IL2: variants seen among roughly 807,000 people sequenced by gnomAD.
IL2 encodes the protein interleukin 2, also known as interleukin-2.
Under a neutral mutation model 14.6 loss-of-function variants are expected in IL2, and 3 were observed. The observed-to-expected ratio is 0.21, with a 90% CI of 0.09 to 0.53. The LOEUF (loss-of-function observed/expected upper bound fraction) is 0.53, where lower values mean the gene tolerates loss of function less well. Among genes scored for constraint, IL2 ranks in the 20% least tolerant of loss-of-function variants. The pLI, the probability that IL2 is intolerant of heterozygous loss-of-function variation, is 0.95. For synonymous variants in IL2, 71 were observed against 60.0 expected (o/e 1.18, Z -0.85); for missense variants, 125 against 170.8 (o/e 0.73, Z 1.50).
intron 3 of IL2, 41 bp from the exon 4 acceptor site, chr4:122,451,903 T>C (rs1484542950): frequency 9.7e-7 from 1 of 1,032,030 alleles, no homozygotes; most frequent in Non-Finnish European, 1.4e-6. Flanking sequence ...TACAGAGTAG[T>C]TTACCTTATA....
In IL2 at chr4:122,456,212, G is replaced by T; in HGVS notation, c.148-9C>A. The T allele has an allele frequency of 6.2e-7, 1 of 1,607,060 alleles. No homozygotes were observed. The highest frequency in any genetic ancestry group is 8.5e-7 in the Non-Finnish European group (1 of 1,174,312). On this transcript the variant is annotated splice_polypyrimidine_tract_variant and intron_variant, in intron 1 of 3. Coordinates refer to ENST00000226730, the MANE Select transcript of IL2 (RefSeq NM_000586.4). ...TTGGGATTCTTGTAATTCTAAGAAA[G>T]TATAATGCATTGTTATTAAGAAATG...
At chr4:122,456,007 C>A in intron 2 of IL2, 137 bp downstream of exon 2, 217 of 503,022 alleles carry the variant, frequency 4.3e-4, no homozygotes, top group Middle Eastern at 1.2e-3. Context: ...GCTTCATTAT[C>A]AAACTTGGGT....
chr4:122,453,301 A>G (rs754518579), intron 3 of IL2, among the ~76,000 whole-genome samples: 1 of 151,832 alleles, frequency 6.6e-6, no homozygotes, highest in Non-Finnish European at 1.5e-5. Flanking sequence ...CCTTCCATCA[A>G]ATGATAAGGA....
intron 3 of IL2, among the ~76,000 whole-genome samples, chr4:122,452,733 A>G (rs1314401611): frequency 6.6e-6 from 1 of 151,938 alleles, no homozygotes; most frequent in Non-Finnish European, 1.5e-5. Context: ...TATCCTCTTA[A>G]GCATAATTGT....
chr4:122,453,460 A>AAAGGTT lies in IL2; in HGVS notation c.351+249_351+250insAACCTT, dbSNP rs1195864658. 2.6e-5 allele frequency among the ~76,000 whole-genome samples: 4 copies of AAAGGTT among 151,996 alleles called. No individual in the cohort carries two copies. The East Asian group carries it at 5.8e-4, about 22-fold the overall frequency. On this transcript the variant is annotated intron_variant, in intron 3 of 3. Coordinates refer to ENST00000226730, the MANE Select transcript of IL2 (RefSeq NM_000586.4). ...TCACTCCCAGTTTTGTGTTAATATG[A>AAAGGTT]AAGGTGATGGAGTTTGGGATGAGGC...
chr4:122,455,622 GA>G, intron 2 of IL2, among the ~76,000 whole-genome samples: 2 of 151,982 alleles, frequency 1.3e-5, no homozygotes, highest in South Asian at 4.1e-4. Context: ...ACATGAAACT[GA>G]ATCACAAACA....
chr4:122,456,315 C>A lies in IL2; in HGVS notation c.126G>T (p.Gln42His). 1.9e-6 allele frequency: 3 copies of A among 1,610,514 alleles called. No homozygotes were observed. Among genetic ancestry groups the A allele is most frequent in the Non-Finnish European group, 2.5e-6 (3 of 1,177,440 alleles). Residue 42 changes from glutamine to histidine, a missense_variant, in exon 1 of 4, where the codon CAG becomes CAT. By Grantham distance (24) the Gln-to-His change is conservative. Coordinates refer to ENST00000226730, the MANE Select transcript of IL2 (RefSeq NM_000586.4). ...TTACATTAATTCCATTCAAAATCAT[C>A]TGTAAATCCAGCAGTAAATGCTCCA... ...LQLEHLLLDLQMILNGINNYK... is the reference protein window; with the variant it reads ...LQLEHLLLDLHMILNGINNYK...
At position 122,456,623 on chromosome 4, in the gene IL2, C is replaced by T; in HGVS notation, c.-183G>A. The stretch of plus-strand genomic sequence containing the variant: ...TGAAAAAACATTACCTTCATTTTTC[C>T]TCTTCTGATGACTCTTTGGAATTTC... On this transcript the variant is annotated 5_prime_UTR_variant, in exon 1 of 4. Coordinates refer to ENST00000226730, the MANE Select transcript of IL2 (RefSeq NM_000586.4). The T allele has an allele frequency of 3.9e-6, 2 of 508,478 alleles. No individual in the cohort carries two copies. Among genetic ancestry groups the T allele is most frequent in the Non-Finnish European group, 6.9e-6 (2 of 289,488 alleles). The allele number at this position is 508,478 out of a possible 1,614,324, so 31.5% of individuals were successfully genotyped here.
At position 122,453,849 on chromosome 4, in the gene IL2, G is replaced by T; in HGVS notation, c.212C>A (p.Thr71Lys). 1 of 1,606,146 alleles carries T rather than the reference G, an allele frequency of 6.2e-7. No homozygotes were observed. The highest frequency in any genetic ancestry group is 1.1e-5 in the South Asian group (1 of 89,522). Residue 71 changes from threonine (T) to lysine (K), a missense_variant, in exon 3 of 4, where the codon ACA (threonine) becomes AAA (lysine). Thr to Lys is a moderately conservative substitution (Grantham distance 78). Coordinates refer to ENST00000226730, the MANE Select transcript of IL2 (RefSeq NM_000586.4). ...TAGACACTGAAGATGTTTCAGTTCT[G>T]TGGCCTAGAATAATAATTATCATCA... ...TFKFYMPKKA[T>K]ELKHLQCLEE...
In IL2 at chr4:122,451,613, A is replaced by G; in HGVS notation, c.*139T>C. Reference sequence around the variant, plus strand: ...CTAGGGCTTACAAAAAGAATCATAAAAGATCCATATTTATAGTTTTAAGAT... The same window carrying G: ...CTAGGGCTTACAAAAAGAATCATAAGAGATCCATATTTATAGTTTTAAGAT... On this transcript the variant is annotated 3_prime_UTR_variant, in exon 4 of 4. Transcript: ENST00000226730. 1 of 387,368 alleles carries G rather than the reference A, an allele frequency of 2.6e-6. No individual in the cohort carries two copies. The highest frequency in any genetic ancestry group is 4.7e-6 in the Non-Finnish European group (1 of 214,010). The allele number at this position is 387,368 out of a possible 1,614,324, so 24.0% of individuals were successfully genotyped here. A position where few individuals can be genotyped will look rare whatever the true frequency, so the allele number is the denominator to read the frequency against.
intron 3 of IL2, among the ~76,000 whole-genome samples, chr4:122,452,552 A>C (rs1797686999): frequency 6.6e-6 from 1 of 151,924 alleles, no homozygotes; most frequent in African/African-American, 2.4e-5. Context: ...GGAGCTATTT[A>C]AACGCTTCCT....
intron 2 of IL2, among the ~76,000 whole-genome samples, chr4:122,454,669 T>A (rs915062927): frequency 6.6e-6 from 1 of 151,846 alleles, no homozygotes; most frequent in African/African-American, 2.4e-5. Context: ...CATAAGTAGG[T>A]AGAGCCAGAA....
chr4:122,452,742 G>A (rs2069779), intron 3 of IL2, among the ~76,000 whole-genome samples: 7,473 of 151,892 alleles, frequency 0.049, 259 homozygotes, highest in Non-Finnish European at 0.074. Context: ...AAGCATAATT[G>A]TTTAAATATT....
Position 122,453,691 on chromosome 4 carries a change from A to C in IL2, c.351+19T>G, listed in dbSNP as rs371857564. ...TTTTTTTTTTTATTTCCAGGAGAGC[A>C]AATAAAGTAATGCCTTACCTTTAGT... On this transcript the variant is annotated intron_variant, in intron 3 of 3. Coordinates refer to ENST00000226730, the MANE Select transcript of IL2 (RefSeq NM_000586.4). The C allele has an allele frequency of 4.4e-6, 7 of 1,574,126 alleles. No homozygotes were observed. The highest frequency in any genetic ancestry group is 5.2e-6 in the Non-Finnish European group (6 of 1,163,346).
intron 2 of IL2, among the ~76,000 whole-genome samples, chr4:122,455,638 A>G (rs11575807): frequency 6.6e-6 from 1 of 151,940 alleles, no homozygotes; most frequent in East Asian, 1.9e-4. Flanking sequence ...CAAACAGAGT[A>G]GGTAATTTGC....
At chr4:122,455,083 T>C (rs2150633815) in intron 2 of IL2, among the ~76,000 whole-genome samples, 1 of 152,020 alleles carries the variant, frequency 6.6e-6, no homozygotes, top group African/African-American at 2.4e-5. Context: ...CTGATTAAAC[T>C]AGAGTAACAT....
chr4:122,452,393 T>C (rs886760101), intron 3 of IL2, among the ~76,000 whole-genome samples: 1 of 152,078 alleles, frequency 6.6e-6, no homozygotes, highest in Non-Finnish European at 1.5e-5. Flanking sequence ...GGGATAAATT[T>C]GTGTGAAGAA....
chr4:122,451,877 TGTTAA>T lies in IL2; in HGVS notation c.352-20_352-16del, dbSNP rs1344255229. 3 of 1,429,656 alleles carry T rather than the reference TGTTAA, an allele frequency of 2.1e-6. No individual in the cohort carries two copies. The highest frequency in any genetic ancestry group is 2.9e-5 in the African/African-American group (2 of 69,922). 88.6% of individuals were successfully genotyped at this position (1,429,656 alleles called of 1,614,324 possible). ...GTTTCAGATCCCTATAAAAGAAAAA[TGTTAA>T]TTTTTTAAAGTACAGAGTAGTTTAC... On this transcript the variant is annotated splice_polypyrimidine_tract_variant and intron_variant, in intron 3 of 3. Transcript: ENST00000226730.
Position 122,456,127 on chromosome 4 carries a change from TA to T in IL2, c.207+16del. 1 of 1,562,228 alleles carries T rather than the reference TA, an allele frequency of 6.4e-7. No individual in the cohort carries two copies. Among genetic ancestry groups the T allele is most frequent in the Non-Finnish European group, 8.8e-7 (1 of 1,136,522 alleles). On this transcript the variant is annotated intron_variant, in intron 2 of 3. Coordinates refer to ENST00000226730, the MANE Select transcript of IL2 (RefSeq NM_000586.4). ...ATTTTATTAAAACAGAAATTGAACA[TA>T]AAATATTGTACTTACCTTCTTGGGC...
Sources: gnomAD v4.1 joint callset for allele counts (sites outside exome capture counted in the v4.1 genomes callset) on GRCh38, gnomAD v4.1.1 for gene constraint, MANE v1.5 for transcripts, NCBI Gene and HGNC (gene_info 2026-07-23, HGNC 2026-07-21) for gene names.